The following FGF14 variants were observed in gnomAD, a reference collection of about 807,000 sequenced individuals.
FGF14 encodes fibroblast growth factor homologous factor 4.
In FGF14, 5 loss-of-function variants were observed where a neutral mutation model predicts 25.5. That is an observed-to-expected ratio of 0.20 (90% CI 0.10 to 0.41). FGF14 has a LOEUF of 0.41. Among genes scored for constraint, FGF14 ranks in the 10% least tolerant of loss-of-function variants. The pLI, the probability that FGF14 is intolerant of heterozygous loss-of-function variation, is 1.00. For synonymous variants in FGF14, 138 were observed against 118.3 expected (o/e 1.17, Z -1.08); for missense variants, 222 against 320.1 (o/e 0.69, Z 2.34).
chr13:102,074,336 G>T (rs1408550001), intron 1 of FGF14, among the ~76,000 whole-genome samples: 1 of 152,060 alleles, frequency 6.6e-6, no homozygotes, highest in Non-Finnish European at 1.5e-5. Flanking sequence ...TGAGCTCCAG[G>T]TTTACACATT....
intron 1 of FGF14, among the ~76,000 whole-genome samples, chr13:102,093,716 C>T (rs145871727): frequency 1.3e-5 from 2 of 150,660 alleles, no homozygotes; most frequent in Non-Finnish European, 2.9e-5. Context: ...CATGACATTA[C>T]AAGAAACAGT....
intron 1 of FGF14, among the ~76,000 whole-genome samples, chr13:101,915,332 C>T (rs182088192): frequency 6.6e-6 from 1 of 152,288 alleles, no homozygotes; most frequent in African/African-American, 2.4e-5. Context: ...ATGCTTCTAT[C>T]CCCCGTCTTT....
At chr13:102,248,026 G>A (rs2051972423) in intron 1 of FGF14, among the ~76,000 whole-genome samples, 2 of 152,076 alleles carry the variant, frequency 1.3e-5, no homozygotes, top group Non-Finnish European at 2.9e-5. Context: ...ACTTAGAAGT[G>A]GGAACTAAAT....
chr13:102,140,446 C>A (rs1278460860), intron 1 of FGF14, among the ~76,000 whole-genome samples: 1 of 152,098 alleles, frequency 6.6e-6, no homozygotes, highest in African/African-American at 2.4e-5. Flanking sequence ...TTCTCCCCAA[C>A]TTTTACTTCA....
chr13:101,842,784 T>C (rs1342297162), intron 3 of FGF14, among the ~76,000 whole-genome samples: 1 of 152,012 alleles, frequency 6.6e-6, no homozygotes, highest in African/African-American at 2.4e-5. Context: ...ATTGTTTGTT[T>C]CTATTACATC....
rs561428940 is a variant in FGF14, at chr13:101,712,195, T to C, written c.*10636A>G. ...GTAGAATAATTTCCTACCTCTAAGATGCACTGAGCATTGACAAACAGGAAA... is the reference window on the plus strand; with the variant it reads ...GTAGAATAATTTCCTACCTCTAAGACGCACTGAGCATTGACAAACAGGAAA... On this transcript the variant is annotated 3_prime_UTR_variant, in exon 5 of 5. Transcript: ENST00000376143. The C allele has an allele frequency of 3.9e-5, 6 of 152,316 alleles. No individual in the cohort carries two copies. In the South Asian group the frequency reaches 1.2e-3, roughly 32 times the overall value. 9.4% of individuals were successfully genotyped at this position (152,316 alleles called of 1,614,324 possible).
intron 3 of FGF14, among the ~76,000 whole-genome samples, chr13:101,848,057 T>C (rs1205712294): frequency 2.0e-5 from 3 of 152,044 alleles, no homozygotes; most frequent in African/African-American, 7.2e-5. Context: ...TTTAGACAGT[T>C]AGAAAACTAC....
chr13:101,741,213 A>G (rs543536916), intron 3 of FGF14, among the ~76,000 whole-genome samples: 44 of 152,234 alleles, frequency 2.9e-4, no homozygotes, highest in Non-Finnish European at 5.4e-4. Context: ...GTGGGTGCCT[A>G]TAATCCCAGC....
intron 1 of FGF14, among the ~76,000 whole-genome samples, chr13:101,915,250 T>A (rs1035866642): frequency 1.3e-5 from 2 of 152,132 alleles, no homozygotes; most frequent in African/African-American, 2.4e-5. Context: ...AAAAAAAGCA[T>A]CAAAACTTTT....
chr13:102,308,660 G>T (rs2055537365), intron 1 of FGF14, among the ~76,000 whole-genome samples: 1 of 152,126 alleles, frequency 6.6e-6, no homozygotes, highest in Admixed American at 6.5e-5. Context: ...TTACATGTCT[G>T]CCTCCATTTC....
chr13:102,069,944 G>C (rs971391961), intron 1 of FGF14, among the ~76,000 whole-genome samples: 2 of 152,106 alleles, frequency 1.3e-5, no homozygotes, highest in African/African-American at 2.4e-5. Flanking sequence ...GAAAACATTG[G>C]GGAAATTCTC....
chr13:101,822,374 C>A (rs1367784209), intron 3 of FGF14, among the ~76,000 whole-genome samples: 1 of 151,920 alleles, frequency 6.6e-6, no homozygotes, highest in East Asian at 1.9e-4. Context: ...CACAAACTGT[C>A]TTATTGTGAC....
At chr13:102,274,112 C>A (rs1566887868) in intron 1 of FGF14, among the ~76,000 whole-genome samples, 1 of 152,160 alleles carries the variant, frequency 6.6e-6, no homozygotes. Flanking sequence ...ACTGCTGGCA[C>A]GTAGCAAATG....
Position 102,346,827 on chromosome 13 carries a change from C to T in FGF14, c.208+54644G>A, listed in dbSNP as rs576620904. On this transcript the variant is annotated intron_variant, in intron 1 of 4. Transcript: ENST00000376131. ...TAGTTAAAATGCATCATGTGACTAG[C>T]GAGGCATTGCAGTGATCAGAATTTT... Among the ~76,000 whole-genome samples the T allele has an allele frequency of 5.3e-5, 8 of 152,072 alleles. No individual in the cohort carries two copies. The East Asian group carries it at 1.2e-3, about 22-fold the overall frequency.
chr13:101,944,475 G>A (rs1427963769), intron 1 of FGF14, among the ~76,000 whole-genome samples: 1 of 152,094 alleles, frequency 6.6e-6, no homozygotes, highest in Non-Finnish European at 1.5e-5. Context: ...TAAAACAGAT[G>A]TCAGGTTAGA....
At chr13:102,104,856 G>A (rs1006806727) in intron 1 of FGF14, among the ~76,000 whole-genome samples, 1 of 152,124 alleles carries the variant, frequency 6.6e-6, no homozygotes, top group Non-Finnish European at 1.5e-5. Flanking sequence ...CCACTGGCAT[G>A]AAGGTTTTCC....
intron 3 of FGF14, among the ~76,000 whole-genome samples, chr13:101,761,392 G>T (rs901500185): frequency 6.6e-6 from 1 of 152,120 alleles, no homozygotes; most frequent in African/African-American, 2.4e-5. Flanking sequence ...GTTGTATTTT[G>T]GGGTATTTTA....
At chr13:102,315,164 C>G (rs1434291525) in intron 1 of FGF14, among the ~76,000 whole-genome samples, 1 of 151,904 alleles carries the variant, frequency 6.6e-6, no homozygotes, top group Non-Finnish European at 1.5e-5. Context: ...CACACACATG[C>G]CTTCCCTAAT....
intron 1 of FGF14, among the ~76,000 whole-genome samples, chr13:102,040,370 T>C (rs2041675618): frequency 6.6e-6 from 1 of 152,152 alleles, no homozygotes; most frequent in Non-Finnish European, 1.5e-5. Context: ...CCTTTTTACA[T>C]AGAGGGTGCT....
Sources: gnomAD v4.1 joint callset for allele counts (sites outside exome capture counted in the v4.1 genomes callset) on GRCh38, gnomAD v4.1.1 for gene constraint, MANE v1.5 for transcripts, NCBI Gene and HGNC (gene_info 2026-07-23, HGNC 2026-07-21) for gene names.